Variants in JAM2 observed in about 807,000 individuals in gnomAD.
JAM2 encodes the protein junctional adhesion molecule B.
In JAM2, 17 loss-of-function variants were observed where a neutral mutation model predicts 42.0. The observed-to-expected ratio is 0.40, with a 90% CI of 0.28 to 0.61. The LOEUF (loss-of-function observed/expected upper bound fraction) is 0.61. JAM2 is among the 20% of genes least tolerant of loss of function. JAM2 has a pLI of 0.37. For synonymous variants in JAM2, 118 were observed against 128.6 expected (o/e 0.92, Z 0.56); for missense variants, 319 against 358.3 (o/e 0.89, Z 0.89).
intron 1 of JAM2, among the ~76,000 whole-genome samples, chr21:25,642,516 C>T (rs1235906847): frequency 1.3e-5 from 2 of 152,122 alleles, no homozygotes; most frequent in Admixed American, 6.6e-5. Context: ...TAATATCATG[C>T]TTACTCCCTT....
chr21:25,704,062 T>A (rs2034222377), intron 6 of JAM2, among the ~76,000 whole-genome samples: 1 of 133,806 alleles, frequency 7.5e-6, no homozygotes, highest in Non-Finnish European at 1.5e-5. Flanking sequence ...TACAAGACAG[T>A]TTTTTTTTTT....
intron 6 of JAM2, among the ~76,000 whole-genome samples, chr21:25,703,605 AT>A (rs1459184477): frequency 1.3e-5 from 2 of 152,186 alleles, no homozygotes; most frequent in African/African-American, 2.4e-5. Context: ...TCCTAAAGAA[AT>A]TTTTTCAAAG....
chr21:25,689,248 G>A (rs1024102502), intron 2 of JAM2, among the ~76,000 whole-genome samples: 2 of 152,140 alleles, frequency 1.3e-5, no homozygotes, highest in African/African-American at 4.8e-5. Flanking sequence ...TGATTTATTA[G>A]GAGACCATAT....
chr21:25,664,247 T>A (rs945689416), intron 1 of JAM2, among the ~76,000 whole-genome samples: 17 of 152,146 alleles, frequency 1.1e-4, no homozygotes, highest in Non-Finnish European at 2.1e-4. Context: ...TTATTTATTT[T>A]TTTTTTGAGA....
intron 4 of JAM2, among the ~76,000 whole-genome samples, chr21:25,697,923 A>G (rs1205730471): frequency 7.6e-6 from 1 of 131,584 alleles, no homozygotes; most frequent in Non-Finnish European, 1.6e-5. Flanking sequence ...AAAAAAATCT[A>G]TCTGCACACA....
intron 7 of JAM2, among the ~76,000 whole-genome samples, chr21:25,708,580 A>G (rs1249151480): frequency 5.3e-5 from 8 of 152,178 alleles, no homozygotes. Flanking sequence ...CAAACAAACA[A>G]AAAGAGCGGC....
chr21:25,657,277 G>T (rs911000918), intron 1 of JAM2, among the ~76,000 whole-genome samples: 1 of 152,150 alleles, frequency 6.6e-6, no homozygotes, highest in Non-Finnish European at 1.5e-5. Context: ...AACTCCCAAA[G>T]TGCTGGGATT....
intron 1 of JAM2, among the ~76,000 whole-genome samples, chr21:25,642,758 C>A (rs1440179866): frequency 6.6e-6 from 1 of 152,174 alleles, no homozygotes; most frequent in Non-Finnish European, 1.5e-5. Context: ...GAGCAAAGTT[C>A]CTGGTTAATA....
intron 1 of JAM2, among the ~76,000 whole-genome samples, chr21:25,655,366 T>C (rs2032903715): frequency 6.7e-6 from 1 of 149,234 alleles, no homozygotes; most frequent in Non-Finnish European, 1.5e-5. Flanking sequence ...TTTTTTTTTT[T>C]TTTTTGTCCT....
intron 1 of JAM2, among the ~76,000 whole-genome samples, chr21:25,679,599 T>C (rs2033581084): frequency 6.6e-6 from 1 of 152,236 alleles, no homozygotes; most frequent in Non-Finnish European, 1.5e-5. Context: ...AAAGAATGAT[T>C]GAGTGCCAGA....
At chr21:25,683,133 G>A (rs900559131) in intron 1 of JAM2, among the ~76,000 whole-genome samples, 1 of 121,654 alleles carries the variant, frequency 8.2e-6, no homozygotes, top group Non-Finnish European at 1.7e-5. Flanking sequence ...CCTTTGCCAG[G>A]GAACTGCCTT....
intron 1 of JAM2, among the ~76,000 whole-genome samples, chr21:25,683,396 T>C (rs1219127584): frequency 4.6e-5 from 7 of 152,136 alleles, no homozygotes; most frequent in African/African-American, 1.7e-4. Context: ...ACAGCTTATA[T>C]ACATTTATTA....
chr21:25,688,873 T>C (rs1000748104), intron 2 of JAM2, among the ~76,000 whole-genome samples: 5 of 152,232 alleles, frequency 3.3e-5, no homozygotes, highest in Admixed American at 2.6e-4. Context: ...GGTCAAACCA[T>C]ATGCCTTGTG....
intron 1 of JAM2, among the ~76,000 whole-genome samples, chr21:25,647,712 T>G (rs1181954139): frequency 6.6e-6 from 1 of 152,000 alleles, no homozygotes; most frequent in Non-Finnish European, 1.5e-5. Context: ...CAAGATCCAG[T>G]TAAAAAGTCC....
At chr21:25,705,095 T>C (rs1317852512) in intron 6 of JAM2, among the ~76,000 whole-genome samples, 1 of 152,224 alleles carries the variant, frequency 6.6e-6, no homozygotes, top group Non-Finnish European at 1.5e-5. Context: ...TTTTCATAAA[T>C]GGGATGACAG....
chr21:25,641,714 A>G (rs960747337), intron 1 of JAM2, among the ~76,000 whole-genome samples: 2 of 152,134 alleles, frequency 1.3e-5, no homozygotes, highest in Non-Finnish European at 2.9e-5. Flanking sequence ...TTAATATCTT[A>G]CATTAGTATG....
At chr21:25,649,768 C>T (rs571461045) in intron 1 of JAM2, among the ~76,000 whole-genome samples, 1 of 152,260 alleles carries the variant, frequency 6.6e-6, no homozygotes, top group Non-Finnish European at 1.5e-5. Flanking sequence ...GTTGCTGTAA[C>T]AGAACACCTG....
chr21:25,644,001 T>C (rs1008584716), intron 1 of JAM2: 1 of 152,204 alleles, frequency 6.6e-6, no homozygotes, highest in African/African-American at 2.4e-5. Flanking sequence ...TAAAATAATA[T>C]TTTTTCATCC....
chr21:25,662,044 T>C (rs1259865371), intron 1 of JAM2, among the ~76,000 whole-genome samples: 2 of 152,212 alleles, frequency 1.3e-5, no homozygotes, highest in Non-Finnish European at 2.9e-5. Flanking sequence ...GTTTTTGAGT[T>C]ATTCGGTGTC....
Sources: gnomAD v4.1 joint callset for allele counts (sites outside exome capture counted in the v4.1 genomes callset) on GRCh38, gnomAD v4.1.1 for gene constraint, MANE v1.5 for transcripts, NCBI Gene and HGNC (gene_info 2026-07-23, HGNC 2026-07-21) for gene names.